CDKN2B-AS1: variants seen among roughly 807,000 people sequenced by gnomAD.
CDKN2B-AS1 encodes CDKN2B and CDKN2A antisense cis and trans regulatory RNA 1, also known as CDKN2B antisense RNA 1 (non-protein coding).
chr9:22,020,281 G>A (rs566896407), intron 1 of CDKN2B-AS1, among the ~76,000 whole-genome samples: 1 of 152,274 alleles, frequency 6.6e-6, no homozygotes, highest in South Asian at 2.1e-4. Context: ...ATCACTGATG[G>A]GCATTTATGT....
chr9:22,023,972 G>C (rs774955959), intron 1 of CDKN2B-AS1, among the ~76,000 whole-genome samples: 1 of 152,124 alleles, frequency 6.6e-6, no homozygotes. Context: ...GGTACTGAAC[G>C]CTTGCCAGAG....
intron 4 of CDKN2B-AS1, among the ~76,000 whole-genome samples, chr9:22,107,679 A>G (rs1354751292): frequency 6.6e-6 from 1 of 152,180 alleles, no homozygotes; most frequent in Non-Finnish European, 1.5e-5. Flanking sequence ...CACTGCAACC[A>G]TACATACAAT....
Position 21,996,712 on chromosome 9 carries a change from G to T in CDKN2B-AS1, n.29+1551G>T, listed in dbSNP as rs1320391406. 6.6e-6 allele frequency among the ~76,000 whole-genome samples: 1 copy of T among 152,120 alleles called. No homozygotes were observed. The highest frequency in any genetic ancestry group is 2.4e-5 in the African/African-American group (1 of 41,432). On this transcript the variant is annotated intron_variant and non_coding_transcript_variant, in intron 1 of 4. Transcript: ENST00000650946. This position sits in a 1 kb window ranked among gnomAD's most constrained non-coding sequence, Gnocchi z 5.4. Reference sequence around the variant, plus strand: ...CAGCCGGCCTCCGCCTCTGTAGGGGGGCATTAGGTTTTCTGTCCCACAGAG... The same window carrying T: ...CAGCCGGCCTCCGCCTCTGTAGGGGTGCATTAGGTTTTCTGTCCCACAGAG...
chr9:22,118,821 T>C (rs917037728), intron 4 of CDKN2B-AS1: 3 of 152,226 alleles, frequency 2.0e-5, no homozygotes, highest in African/African-American at 7.2e-5. Context: ...CAGTGGCCTT[T>C]GCTTTGTAGC....
chr9:22,109,286 C>A (rs1350194043), intron 4 of CDKN2B-AS1, among the ~76,000 whole-genome samples: 1 of 152,152 alleles, frequency 6.6e-6, no homozygotes, highest in Non-Finnish European at 1.5e-5. Context: ...AGCAAAGCTT[C>A]TTTATGAGCT....
At chr9:22,124,918 G>T (rs527651254) in intron 4 of CDKN2B-AS1, among the ~76,000 whole-genome samples, 11 of 152,334 alleles carry the variant, frequency 7.2e-5, no homozygotes, top group South Asian at 2.1e-4. Flanking sequence ...GTCCTTCAGG[G>T]CTGTGACCTT....
At chr9:22,047,136 C>T (rs1823140902) in intron 2 of CDKN2B-AS1, among the ~76,000 whole-genome samples, 1 of 152,088 alleles carries the variant, frequency 6.6e-6, no homozygotes, top group Non-Finnish European at 1.5e-5. Context: ...TCTTTCATCT[C>T]CCTCCTTTGC....
intron 4 of CDKN2B-AS1, among the ~76,000 whole-genome samples, chr9:22,091,718 T>C (rs1429259266): frequency 6.6e-6 from 1 of 152,190 alleles, no homozygotes; most frequent in Non-Finnish European, 1.5e-5. Context: ...TTGAGGAGAT[T>C]TTGGCTGAGA....
At chr9:22,111,763 C>T (rs1362320480) in intron 4 of CDKN2B-AS1, among the ~76,000 whole-genome samples, 1 of 152,134 alleles carries the variant, frequency 6.6e-6, no homozygotes, top group Non-Finnish European at 1.5e-5. Flanking sequence ...ATAAGTGAGA[C>T]AAGCACCCAG....
chr9:22,090,445 C>T (rs1825038151), intron 4 of CDKN2B-AS1, among the ~76,000 whole-genome samples: 1 of 152,204 alleles, frequency 6.6e-6, no homozygotes, highest in East Asian at 1.9e-4. Flanking sequence ...GTCCCACCAG[C>T]AGTGTAAAAG....
intron 4 of CDKN2B-AS1, among the ~76,000 whole-genome samples, chr9:22,099,687 T>C (rs1047998983): frequency 6.6e-6 from 1 of 151,462 alleles, no homozygotes; most frequent in Non-Finnish European, 1.5e-5. Flanking sequence ...GATGGTGGGG[T>C]GGTAAAGAGG....
At chr9:22,088,261 C>T (rs10757272) in intron 4 of CDKN2B-AS1, among the ~76,000 whole-genome samples, 63,985 of 151,912 alleles carry the variant, frequency 0.42, 14,779 homozygotes, top group East Asian at 0.67. Flanking sequence ...TCGTAAGAAG[C>T]GAATGTTGCA....
chr9:22,080,592 A>T (rs2131328865), intron 4 of CDKN2B-AS1, among the ~76,000 whole-genome samples: 1 of 152,340 alleles, frequency 6.6e-6, no homozygotes, highest in Non-Finnish European at 1.5e-5. Flanking sequence ...AACAATTAAA[A>T]CCAGGCTTTG....
chr9:22,107,120 G>A (rs1251534326), intron 4 of CDKN2B-AS1, among the ~76,000 whole-genome samples: 6 of 152,184 alleles, frequency 3.9e-5, no homozygotes, highest in Admixed American at 3.9e-4. Context: ...CTGGCAGCAG[G>A]GAGATCAGTT....
At chr9:22,028,659 A>AG (rs1432146444) in intron 1 of CDKN2B-AS1, among the ~76,000 whole-genome samples, 1 of 152,192 alleles carries the variant, frequency 6.6e-6, no homozygotes. Context: ...GGCAATTTTA[A>AG]GGTGTTTAAT....
At chr9:22,022,485 C>A (rs1018203771) in intron 1 of CDKN2B-AS1, among the ~76,000 whole-genome samples, 2 of 151,830 alleles carry the variant, frequency 1.3e-5, no homozygotes, top group African/African-American at 2.4e-5. Context: ...CTGCTTTTTT[C>A]TGATTTGCAT....
chr9:21,998,418 G>A (rs1461575004), intron 1 of CDKN2B-AS1, among the ~76,000 whole-genome samples: 3 of 152,290 alleles, frequency 2.0e-5, no homozygotes, highest in East Asian at 3.9e-4. Context: ...GCCTAGAAAG[G>A]CTCAAATCTT....
At chr9:22,043,882 A>G (rs941402134) in intron 1 of CDKN2B-AS1, among the ~76,000 whole-genome samples, 1 of 152,012 alleles carries the variant, frequency 6.6e-6, no homozygotes, top group Non-Finnish European at 1.5e-5. Flanking sequence ...AGTACTACAC[A>G]TATCATGCTT....
chr9:22,114,861 G>C (rs1370245144), intron 4 of CDKN2B-AS1, among the ~76,000 whole-genome samples: 3 of 152,180 alleles, frequency 2.0e-5, no homozygotes, highest in African/African-American at 7.2e-5. Flanking sequence ...GTCATTGAAA[G>C]AGCTAATCAT....
Sources: allele counts gnomAD v4.1 joint callset (sites outside exome capture counted in the v4.1 genomes callset), GRCh38; gene constraint gnomAD v4.1.1; non-coding constraint Gnocchi (gnomAD v3.1); transcripts MANE v1.5; gene names NCBI Gene and HGNC (gene_info 2026-07-23, HGNC 2026-07-21).